The following NF1 variants were observed in gnomAD, a reference collection of about 807,000 sequenced individuals.
The protein encoded by NF1 is neurofibromin.
A neutral mutation model predicts 325.7 loss-of-function variants in NF1; 122 were observed. That is an observed-to-expected ratio of 0.37 (90% confidence interval 0.32 to 0.44). NF1 has a LOEUF of 0.44. Ranked by LOEUF, NF1 falls within the 20% of genes least tolerant of loss-of-function variation. NF1 has a pLI of 1.00. For missense variants in NF1, 2,140 were observed against 3,415.4 expected (o/e 0.63, Z 9.31); for synonymous variants, 1,091 against 1,186.0 (o/e 0.92, Z 1.65).
intron 36 of NF1, among the ~76,000 whole-genome samples, chr17:31,281,598 A>G (rs1045160818): frequency 6.6e-6 from 1 of 151,942 alleles, no homozygotes; most frequent in Non-Finnish European, 1.5e-5. Flanking sequence ...ACATCCTCAC[A>G]TGTCTCTCTG....
rs576267864 is a variant in NF1 at position 31,375,635 on chromosome 17, A to G, written c.*1480A>G. On this transcript the variant is annotated 3_prime_UTR_variant, in exon 58 of 58. Coordinates refer to ENST00000358273, the MANE Select transcript of NF1 (RefSeq NM_001042492.3). ...AAGATATAATGGCTTTGAGGGGGGA[A>G]AAAATAAACCTAGGGGAGAGGGGAG... is the stretch of plus-strand genomic sequence containing the variant. 3.7e-4 allele frequency: 86 copies of G among 232,806 alleles called. No homozygotes were observed. The highest frequency in any genetic ancestry group is 3.8e-4 in the Non-Finnish European group (45 of 117,528). 14.4% of individuals were successfully genotyped at this position (232,806 alleles called of 1,614,324 possible).
intron 36 of NF1, chr17:31,321,851 T>C (rs1391999114): frequency 1.3e-5 from 2 of 152,150 alleles, no homozygotes; most frequent in African/African-American, 2.4e-5. Flanking sequence ...GCTCATTCTA[T>C]AGGCCTGCTA....
At chr17:31,161,642 C>T (rs2065762057) in intron 3 of NF1, among the ~76,000 whole-genome samples, 1 of 152,180 alleles carries the variant, frequency 6.6e-6, no homozygotes, top group Non-Finnish European at 1.5e-5. Flanking sequence ...GACCACCTGG[C>T]CTTATGTTCT....
chr17:31,205,481 T>A (rs958866678), intron 11 of NF1, among the ~76,000 whole-genome samples: 4 of 152,218 alleles, frequency 2.6e-5, no homozygotes, highest in Admixed American at 1.3e-4. Context: ...TGTCATTTTT[T>A]AATAATATAT....
At chr17:31,164,592 G>A (rs565133009) in intron 4 of NF1, among the ~76,000 whole-genome samples, 44 of 152,306 alleles carry the variant, frequency 2.9e-4, no homozygotes, top group Non-Finnish European at 5.4e-4. Flanking sequence ...ACGAACAGTG[G>A]ACTTTGATTA....
intron 36 of NF1, among the ~76,000 whole-genome samples, chr17:31,278,493 CTTTTTTTTTTTTTTTTTT>C (rs200450821): frequency 0.05 from 764 of 15,282 alleles, 13 homozygotes; most frequent in African/African-American, 0.13. Context: ...GTAATTGAAG[CTTTTTTTTTTTTTTTTTT>C]TTTTTTTTTT....
At chr17:31,369,255 G>C (rs2070588105) in intron 57 of NF1, among the ~76,000 whole-genome samples, 1 of 152,170 alleles carries the variant, frequency 6.6e-6, no homozygotes, top group Non-Finnish European at 1.5e-5. Context: ...TTCTAGCAGG[G>C]AAGATAGACA....
intron 1 of NF1, among the ~76,000 whole-genome samples, chr17:31,123,291 A>C (rs996551542): frequency 3.3e-5 from 5 of 152,182 alleles, no homozygotes; most frequent in African/African-American, 1.2e-4. Context: ...TGCCTATTTG[A>C]CTTTATGGGA....
At chr17:31,308,052 C>A in intron 36 of NF1, 1 of 455,866 alleles carries the variant, frequency 2.2e-6, no homozygotes, top group Non-Finnish European at 3.9e-6. Context: ...AACTCTCCTG[C>A]ACACTGCTGA....
At chr17:31,132,499 C>T (rs983776069) in intron 1 of NF1, among the ~76,000 whole-genome samples, 11 of 151,942 alleles carry the variant, frequency 7.2e-5, no homozygotes, top group Non-Finnish European at 1.2e-4. Context: ...GAGATCATGC[C>T]GCTGCATTCC....
chr17:31,303,211 G>T (rs545248063), intron 36 of NF1, among the ~76,000 whole-genome samples: 2 of 152,292 alleles, frequency 1.3e-5, no homozygotes, highest in East Asian at 3.9e-4. Context: ...CCTGGAGTTA[G>T]ATGGGACTAA....
intron 8 of NF1, among the ~76,000 whole-genome samples, chr17:31,197,839 C>T (rs1433601202): frequency 6.6e-6 from 1 of 152,054 alleles, no homozygotes; most frequent in Non-Finnish European, 1.5e-5. Context: ...AGTATTATGC[C>T]AAATAGAAGA....
chr17:31,300,400 A>G (rs1037621886), intron 36 of NF1, among the ~76,000 whole-genome samples: 7 of 152,124 alleles, frequency 4.6e-5, no homozygotes, highest in African/African-American at 1.7e-4. Flanking sequence ...ATAAAAGGTG[A>G]CATATATACA....
intron 4 of NF1, among the ~76,000 whole-genome samples, chr17:31,164,791 T>C (rs1474802570): frequency 6.6e-6 from 1 of 152,228 alleles, no homozygotes; most frequent in Non-Finnish European, 1.5e-5. Flanking sequence ...CTCAATGCAA[T>C]TCTTGATCCA....
intron 29 of NF1, among the ~76,000 whole-genome samples, chr17:31,244,571 T>C (rs2067358207): frequency 6.6e-6 from 1 of 152,188 alleles, no homozygotes; most frequent in South Asian, 2.1e-4. Flanking sequence ...CTGCCCTGTG[T>C]TGCTTTCTGC....
At chr17:31,158,703 A>G (rs2065710167) in intron 2 of NF1, among the ~76,000 whole-genome samples, 2 of 152,152 alleles carry the variant, frequency 1.3e-5, no homozygotes, top group South Asian at 4.1e-4. Context: ...TCCCCAATTC[A>G]AGATTCTGGT....
In NF1 at chr17:31,217,106, ATCT is replaced by A. The variant is rs141533604; in HGVS notation, c.1528-1895_1528-1893del. Among the ~76,000 whole-genome samples the A allele has an allele frequency of 2.7e-4, 41 of 152,242 alleles. 1 individual carries two copies. The highest frequency in any genetic ancestry group is 9.9e-4 in the African/African-American group (41 of 41,560). ...CATGCTCATGGAGGATGGGAAACAC[ATCT>A]TCTCTTTTTCATTGTTGTGTCTTTG... is the stretch of plus-strand genomic sequence containing the variant. On this transcript the variant is annotated intron_variant, in intron 13 of 57. Coordinates refer to ENST00000358273, the MANE Select transcript of NF1 (RefSeq NM_001042492.3).
intron 1 of NF1, among the ~76,000 whole-genome samples, chr17:31,119,299 T>G (rs1323460035): frequency 6.6e-6 from 1 of 152,206 alleles, no homozygotes; most frequent in Non-Finnish European, 1.5e-5. Context: ...GACTTTTTAA[T>G]GATCGCCATT....
At chr17:31,335,731 T>A (rs2069649524) in intron 40 of NF1, among the ~76,000 whole-genome samples, 1 of 151,886 alleles carries the variant, frequency 6.6e-6, no homozygotes, top group Non-Finnish European at 1.5e-5. Flanking sequence ...CAGGCTGGAG[T>A]GCAGTGGTAC....
Sources: allele counts gnomAD v4.1 joint callset (sites outside exome capture counted in the v4.1 genomes callset), GRCh38; gene constraint gnomAD v4.1.1; transcripts MANE v1.5; gene names NCBI Gene and HGNC (gene_info 2026-07-23, HGNC 2026-07-21).